Variants in PDE4A observed in about 807,000 individuals in gnomAD.
PDE4A encodes 3',5'-cyclic-AMP phosphodiesterase 4A.
A neutral mutation model predicts 73.9 loss-of-function variants in PDE4A; 21 were observed. The ratio of observed to expected loss-of-function variants is 0.28; its 90% CI spans 0.20 to 0.41. The LOEUF (loss-of-function observed/expected upper bound fraction) is 0.41. PDE4A is among the 10% of genes least tolerant of loss of function. The pLI, the probability that PDE4A is intolerant of heterozygous loss-of-function variation, is 1.00. For synonymous variants in PDE4A, 463 were observed against 505.4 expected (o/e 0.92, Z 1.13); for missense variants, 958 against 1,211.4 (o/e 0.79, Z 3.10).
At chr19:10,450,749 A>T (rs1599436281) in intron 5 of PDE4A, 80 bp from the exon 6 acceptor site, 1 of 1,579,684 alleles carries the variant, frequency 6.3e-7, no homozygotes, top group East Asian at 2.3e-5. Flanking sequence ...CACCTGGCGA[A>T]CCCCGTCACG....
At position 10,461,052 on chromosome 19, in the gene PDE4A, A is replaced by G; in HGVS notation, c.1414A>G (p.Ile472Val). The change falls in exon 11 of 15, where the codon ATC becomes GTC. Residue 472 changes from isoleucine to valine, a missense_variant. Ile to Val is a conservative substitution (Grantham distance 29). This residue lies in a region of PDE4A where 570 missense variants were observed against 827.7 expected (regional missense o/e 0.69). Transcript: ENST00000380702. The stretch of plus-strand genomic sequence containing the variant: ...TCTCGCCGCCCTCTTCGCGGCTGCC[A>G]TCCACGATGTGGATCACCCTGGGGT... ...EILAALFAAA[I>V]HDVDHPGVSN... 6.2e-7 allele frequency: 1 copy of G among 1,613,724 alleles called. No homozygotes were observed. The highest frequency in any genetic ancestry group is 8.5e-7 in the Non-Finnish European group (1 of 1,179,754).
intron 1 of PDE4A, among the ~76,000 whole-genome samples, chr19:10,432,078 AG>A (rs1280616767): frequency 1.5e-5 from 2 of 132,542 alleles, no homozygotes; most frequent in Admixed American, 8.0e-5. Flanking sequence ...CAGGGCGGGG[AG>A]GGGGGAAAGG....
chr19:10,459,165 T>TG (rs2043218438), intron 8 of PDE4A: 8 of 623,428 alleles, frequency 1.3e-5, no homozygotes, highest in Non-Finnish European at 2.1e-5. Context: ...CGAGATCAAG[T>TG]GCTTAGAGCA....
intron 6 of PDE4A, 124 bp from the exon 7 acceptor site, chr19:10,454,705 T>C (rs2043145098): frequency 3.9e-6 from 6 of 1,538,140 alleles, no homozygotes; most frequent in Non-Finnish European, 5.3e-6. Context: ...ATAGGGGCTC[T>C]GTTGGCTGAG....
chr19:10,431,537 G>A (rs569445242), intron 1 of PDE4A, among the ~76,000 whole-genome samples: 2 of 152,198 alleles, frequency 1.3e-5, no homozygotes, highest in Non-Finnish European at 2.9e-5. Context: ...GGTGGGCTGC[G>A]GGGGCTTGAA....
At chr19:10,449,364 TG>T (rs998313865) in intron 4 of PDE4A, among the ~76,000 whole-genome samples, 4 of 150,020 alleles carry the variant, frequency 2.7e-5, no homozygotes, top group African/African-American at 1.0e-4. Context: ...GTTTTTTGTT[TG>T]TTTGTTTGTT....
At chr19:10,431,247 C>G (rs1188976412) in intron 1 of PDE4A, among the ~76,000 whole-genome samples, 3 of 152,220 alleles carry the variant, frequency 2.0e-5, no homozygotes, top group African/African-American at 7.2e-5. Context: ...CCCTGGAGAC[C>G]TCTGATAGGG....
Position 10,432,184 on chromosome 19 carries a change from G to C in PDE4A, c.320+11100G>C, listed in dbSNP as rs866095809. ...GCCTAGGAGGGAGGAGACGGGGGGG[G>C]GGGGGGGAAGTGTGCGTCCGACTCC... On this transcript the variant is annotated intron_variant, in intron 1 of 14. Coordinates refer to ENST00000380702, the MANE Select transcript of PDE4A (RefSeq NM_001111307.2). Among the ~76,000 whole-genome samples, 44 of 143,502 alleles carry C rather than the reference G, an allele frequency of 3.1e-4. 3 individuals are homozygous for C. The highest frequency in any genetic ancestry group is 4.7e-4 in the Non-Finnish European group (30 of 63,462). The allele number at this position is 143,502 out of a possible 152,430, so 94.1% of individuals were successfully genotyped here. A position where few individuals can be genotyped will look rare whatever the true frequency, so the allele number is the denominator to read the frequency against.
intron 13 of PDE4A, among the ~76,000 whole-genome samples, chr19:10,462,593 A>T (rs2043292377): frequency 6.6e-6 from 1 of 152,132 alleles, no homozygotes; most frequent in Non-Finnish European, 1.5e-5. Context: ...AAGTGCTGGG[A>T]TAGCTGGCGT....
chr19:10,462,119 C>G, intron 13 of PDE4A, 120 bp downstream of exon 13: 1 of 768,112 alleles, frequency 1.3e-6, no homozygotes, highest in South Asian at 1.9e-5. Flanking sequence ...CTTCCTGTGT[C>G]CTTCTTTCTT....
chr19:10,461,545 G>T lies in PDE4A; in HGVS notation c.1485G>T (p.Met495Ile). Residue 495 changes from methionine to isoleucine, a missense_variant, in exon 12 of 15, where the codon ATG becomes ATT. Coordinates refer to ENST00000380702, the MANE Select transcript of PDE4A (RefSeq NM_001111307.2). ...CTGCAGATTCGGAGCTGGCGCTCAT[G>T]TACAACGATGAGTCGGTGCTCGAGA... ...LINTNSELALMYNDESVLENH... is the reference protein window; with the variant it reads ...LINTNSELALIYNDESVLENH... 1 of 1,614,148 alleles carries T rather than the reference G, an allele frequency of 6.2e-7. No homozygotes were observed. The highest frequency in any genetic ancestry group is 8.5e-7 in the Non-Finnish European group (1 of 1,180,034).
At chr19:10,436,336 A>G (rs1456256344) in intron 1 of PDE4A, among the ~76,000 whole-genome samples, 1 of 152,102 alleles carries the variant, frequency 6.6e-6, no homozygotes, top group Non-Finnish European at 1.5e-5. Context: ...CAGGTGGATC[A>G]CCTGAGATCG....
upstream of PDE4A, chr19:10,417,127 C>T: frequency 6.9e-7 from 1 of 1,439,416 alleles, no homozygotes; most frequent in Non-Finnish European, 9.1e-7. Flanking sequence ...CCTCGTGCCT[C>T]AGTTTACCCC....
rs1309745991 is a variant in PDE4A at position 10,458,259 on chromosome 19, G to A, written c.1101+157G>A. Among the ~76,000 whole-genome samples the A allele has an allele frequency of 6.6e-6, 1 of 152,146 alleles. No individual in the cohort carries two copies. Among genetic ancestry groups the A allele is most frequent in the Non-Finnish European group, 1.5e-5 (1 of 68,036 alleles). On this transcript the variant is annotated intron_variant, in intron 8 of 14. Transcript: ENST00000380702. The surrounding 1 kb of genome is among the most constrained non-coding windows in gnomAD (Gnocchi z 4.6). ...CTTGAGGCAAGCATGCTGGCTCTTT[G>A]TACCTCTGTATCATTCATTGCTTGG...
At chr19:10,461,502 C>G (rs899670055) in intron 11 of PDE4A, 24 bp from the exon 12 acceptor site, 22 of 1,611,884 alleles carry the variant, frequency 1.4e-5, no homozygotes, top group Non-Finnish European at 1.9e-5. Flanking sequence ...TGGGCCCTCC[C>G]CTGACCTCCG....
In PDE4A at chr19:10,461,929, C is replaced by T. The variant is rs1230152478; in HGVS notation, c.1673C>T (p.Thr558Ile). The T allele has an allele frequency of 6.2e-7, 1 of 1,614,066 alleles. No homozygotes were observed. The highest frequency in any genetic ancestry group is 1.3e-5 in the African/African-American group (1 of 75,026). ...ATGACCCTCCTGGCTGACCTGAAGA[C>T]CATGGTGGAGACCAAGAAAGTGACC... Reference protein sequence around the residue: ...KHMTLLADLKTMVETKKVTSS... With the variant: ...KHMTLLADLKIMVETKKVTSS... The change falls in exon 13 of 15, where the codon ACC (threonine) becomes ATC (isoleucine). Residue 558 changes from threonine (T) to isoleucine (I), a missense_variant. By Grantham distance (89) the Thr-to-Ile change is moderately conservative. Transcript: ENST00000380702.
chr19:10,447,831 G>A (rs2145531766), intron 2 of PDE4A, among the ~76,000 whole-genome samples: 1 of 152,136 alleles, frequency 6.6e-6, no homozygotes, highest in East Asian at 1.9e-4. Flanking sequence ...AGTTCCCCCT[G>A]AACCTGCTCA....
At chr19:10,420,417 G>A, upstream of PDE4A, 2 of 964,472 alleles carry the variant, frequency 2.1e-6, no homozygotes, top group Non-Finnish European at 2.5e-6. This position sits in a 1 kb window ranked among gnomAD's most constrained non-coding sequence, Gnocchi z 6.0. Context: ...TGGCCCGGAC[G>A]GAGGAGGAGG....
chr19:10,426,852 A>G (rs1599401832), intron 1 of PDE4A, among the ~76,000 whole-genome samples: 1 of 151,636 alleles, frequency 6.6e-6, no homozygotes, highest in Non-Finnish European at 1.5e-5. Context: ...TGGGTGACAA[A>G]GCCAGACTCC....
Sources: allele counts gnomAD v4.1 joint callset (sites outside exome capture counted in the v4.1 genomes callset), GRCh38; gene constraint gnomAD v4.1.1; regional missense constraint gnomAD v4.1.1; non-coding constraint Gnocchi (gnomAD v3.1); transcripts MANE v1.5; gene names NCBI Gene and HGNC (gene_info 2026-07-23, HGNC 2026-07-21).